The following ZDHHC11B variants were observed in gnomAD, a reference collection of about 807,000 sequenced individuals.
ZDHHC11B encodes the protein zDHHC palmitoyltransferase 11B (putative), also known as probable palmitoyltransferase ZDHHC11B.
In ZDHHC11B, 17 loss-of-function variants were observed where a neutral mutation model predicts 42.3. The observed-to-expected ratio is 0.40, with a 90% CI of 0.27 to 0.60. ZDHHC11B has a LOEUF of 0.60. Among genes scored for constraint, ZDHHC11B ranks in the 20% least tolerant of loss-of-function variants. ZDHHC11B has a pLI of 0.41. For missense variants in ZDHHC11B, 262 were observed against 463.2 expected, an observed-to-expected ratio of 0.57 and a Z score of 3.99; for synonymous variants, 123 against 193.5, an observed-to-expected ratio of 0.64 and a Z score of 3.02.
chr5:729,583 C>T (rs1441329166), intron 12 of ZDHHC11B, among the ~76,000 whole-genome samples: 1 of 151,088 alleles, frequency 6.6e-6, no homozygotes, highest in Non-Finnish European at 1.5e-5. Flanking sequence ...TGTCTGTGCA[C>T]CTGGGGTGGT....
intron 6 of ZDHHC11B, among the ~76,000 whole-genome samples, chr5:752,060 C>G (rs138576911): frequency 0.022 from 2,776 of 124,790 alleles, 418 homozygotes; most frequent in Middle Eastern, 0.06. Context: ...CCCTACCAGC[C>G]AAGGAGCACG....
chr5:779,708 T>A (rs1264898531), intron 1 of ZDHHC11B, among the ~76,000 whole-genome samples: 1 of 151,732 alleles, frequency 6.6e-6, no homozygotes, highest in African/African-American at 2.4e-5. Flanking sequence ...AAAGAATTTC[T>A]GATGTTCTTG....
At chr5:780,512 G>C (rs1478125150) in intron 1 of ZDHHC11B, among the ~76,000 whole-genome samples, 4 of 149,640 alleles carry the variant, frequency 2.7e-5, no homozygotes, top group African/African-American at 1.0e-4. Flanking sequence ...CGTGGCTTCT[G>C]GTTAAAGGTT....
chr5:755,856 G>A, intron 5 of ZDHHC11B, 110 bp downstream of exon 5: 1 of 425,606 alleles, frequency 2.3e-6, no homozygotes, highest in Non-Finnish European at 4.0e-6. Flanking sequence ...AGCTCCACTA[G>A]CATCAGCTGC....
At chr5:760,142 A>G (rs1298023011) in intron 4 of ZDHHC11B, among the ~76,000 whole-genome samples, 2 of 151,818 alleles carry the variant, frequency 1.3e-5, no homozygotes. Flanking sequence ...TGGCCGAGCC[A>G]CGGGCCAAAG....
chr5:721,781 A>G (rs1395302592), intron 12 of ZDHHC11B, among the ~76,000 whole-genome samples: 2 of 151,740 alleles, frequency 1.3e-5, no homozygotes, highest in East Asian at 1.9e-4. Flanking sequence ...GAATAACTAG[A>G]GCCTTTCGTG....
At chr5:777,763 T>C (rs994118006) in intron 1 of ZDHHC11B, among the ~76,000 whole-genome samples, 17 of 152,050 alleles carry the variant, frequency 1.1e-4, no homozygotes, top group Non-Finnish European at 1.8e-4. Context: ...TAGCTAGCTT[T>C]CTCTATCGGA....
chr5:720,198 C>T (rs1411871367), intron 12 of ZDHHC11B, among the ~76,000 whole-genome samples: 3 of 151,808 alleles, frequency 2.0e-5, no homozygotes, highest in African/African-American at 7.3e-5. Context: ...GGCTATATGC[C>T]AAAAGATCTA....
rs755401501 is a variant in ZDHHC11B at position 730,341 on chromosome 5, A to T, written c.1058+93T>A. 1.5e-4 allele frequency: 205 copies of T among 1,398,304 alleles called. 2 individuals are homozygous for T. The highest frequency in any genetic ancestry group is 1.9e-4 in the Non-Finnish European group (193 of 1,038,682). 86.6% of individuals were successfully genotyped at this position (1,398,304 alleles called of 1,614,324 possible). ...TCCCTTATGTCATCAGAATATTTGA[A>T]CATGTTAAATAGAGAACATATTTTC... is the stretch of plus-strand genomic sequence containing the variant. On this transcript the variant is annotated intron_variant, in intron 12 of 13. Coordinates refer to ENST00000508859, the MANE Select transcript of ZDHHC11B (RefSeq NM_001351303.2).
intron 1 of ZDHHC11B, among the ~76,000 whole-genome samples, chr5:770,874 T>C (rs1427621333): frequency 6.6e-6 from 1 of 151,716 alleles, no homozygotes; most frequent in Non-Finnish European, 1.5e-5. Flanking sequence ...GCTGTGGGGC[T>C]AAGATTGAGG....
chr5:767,266 A>T (rs1335251373), intron 3 of ZDHHC11B, 126 bp downstream of exon 3: 56 of 1,147,866 alleles, frequency 4.9e-5, no homozygotes, highest in Non-Finnish European at 6.7e-5. Flanking sequence ...GGAAGACCTG[A>T]GCTGCCATCT....
intron 1 of ZDHHC11B, among the ~76,000 whole-genome samples, chr5:774,658 C>G (rs894957317): frequency 6.7e-6 from 1 of 150,226 alleles, no homozygotes; most frequent in Admixed American, 6.7e-5. Context: ...GGCTAGGGGT[C>G]TGCCCCTTGG....
At chr5:775,114 C>T (rs1210029753) in intron 1 of ZDHHC11B, among the ~76,000 whole-genome samples, 2 of 152,078 alleles carry the variant, frequency 1.3e-5, no homozygotes, top group Non-Finnish European at 2.9e-5. Flanking sequence ...CAGCCCTCGG[C>T]CCTGCTCAGG....
chr5:766,299 G>A (rs1179463995), intron 4 of ZDHHC11B, among the ~76,000 whole-genome samples: 1 of 70,348 alleles, frequency 1.4e-5, no homozygotes, highest in African/African-American at 5.6e-5. Context: ...AGCAGACCCG[G>A]GACCCCTGCC....
chr5:779,763 C>T (rs72503646), intron 1 of ZDHHC11B, among the ~76,000 whole-genome samples: 43,110 of 145,002 alleles, frequency 0.3, 4,173 homozygotes, highest in African/African-American at 0.49. Flanking sequence ...CCTTGCCCTG[C>T]AGGAAAAGAT....
At chr5:716,371 C>T (rs191474446) in intron 13 of ZDHHC11B, among the ~76,000 whole-genome samples, 1 of 151,694 alleles carries the variant, frequency 6.6e-6, no homozygotes, top group South Asian at 2.1e-4. Flanking sequence ...AATTTCACTG[C>T]ATTCTATGGA....
Position 733,786 on chromosome 5 carries a change from G to T in ZDHHC11B, c.989C>A (p.Thr330Asn). The T allele has an allele frequency of 6.2e-7, 1 of 1,611,278 alleles. No homozygotes were observed. The highest frequency in any genetic ancestry group is 8.5e-7 in the Non-Finnish European group (1 of 1,179,398). Residue 330 changes from threonine (T) to asparagine (N), a missense_variant, in exon 11 of 14, where the codon ACT becomes AAT. Coordinates refer to ENST00000508859, the MANE Select transcript of ZDHHC11B (RefSeq NM_001351303.2). ...LIYKCPCHFCTSVNQDGDSKA... is the reference protein window; with the variant it reads ...LIYKCPCHFCNSVNQDGDSKA... ...CGAATCCCCGTCCTGGTTTACTGAA[G>T]TGCAGAAGTGACATGGGCATTTGTA...
intron 11 of ZDHHC11B, chr5:732,005 G>A (rs1743055535): frequency 1.3e-5 from 2 of 152,168 alleles, no homozygotes; most frequent in Admixed American, 6.6e-5. Context: ...ATGTAAAGAA[G>A]GGCTTGTTTC....
At chr5:743,709 C>T (rs1339639610) in intron 9 of ZDHHC11B, among the ~76,000 whole-genome samples, 2 of 149,866 alleles carry the variant, frequency 1.3e-5, no homozygotes, top group African/African-American at 2.4e-5. Context: ...GCTGGTGGAT[C>T]GAGATGTGCG....
Sources: gnomAD v4.1 joint callset for allele counts (sites outside exome capture counted in the v4.1 genomes callset) on GRCh38, gnomAD v4.1.1 for gene constraint, MANE v1.5 for transcripts, NCBI Gene and HGNC (gene_info 2026-07-23, HGNC 2026-07-21) for gene names.